Variants in RBFOX1 observed in about 807,000 individuals in gnomAD.
RBFOX1 encodes the protein RNA binding protein fox-1 homolog 1.
Under a neutral mutation model 57.7 loss-of-function variants are expected in RBFOX1, and 8 were observed. That is an observed-to-expected ratio of 0.14 (90% confidence interval 0.08 to 0.25). RBFOX1 has a LOEUF of 0.25. Among genes scored for constraint, RBFOX1 ranks in the 10% least tolerant of loss-of-function variants. The pLI is 1.00. For missense variants in RBFOX1, 611 were observed against 548.5 expected (o/e 1.11, Z -1.14); for synonymous variants, 326 against 222.4 (o/e 1.47, Z -4.15).
intron 1 of RBFOX1, among the ~76,000 whole-genome samples, chr16:6,226,203 CAAAAAAAA>C (rs543386716): frequency 1.0e-5 from 1 of 99,978 alleles, no homozygotes; most frequent in East Asian, 2.8e-4. Context: ...ACTAAAAATA[CAAAAAAAA>C]AAAAAAAAAA....
intron 4 of RBFOX1, among the ~76,000 whole-genome samples, chr16:7,394,217 C>A (rs569193623): frequency 9.5e-5 from 9 of 94,836 alleles, no homozygotes; most frequent in Non-Finnish European, 1.5e-4. Context: ...GCCTGGGCAA[C>A]AGAGCAAGAC....
At chr16:7,572,116 GA>G (rs2092841120) in intron 5 of RBFOX1, among the ~76,000 whole-genome samples, 1 of 152,178 alleles carries the variant, frequency 6.6e-6, no homozygotes, top group Non-Finnish European at 1.5e-5. Context: ...GACAGAGTGA[GA>G]CTCCATCTCA....
chr16:5,908,954 T>TCACCAAA (rs1022673073), intron 4 of RBFOX1, among the ~76,000 whole-genome samples: 2 of 152,052 alleles, frequency 1.3e-5, no homozygotes, highest in African/African-American at 4.8e-5. Context: ...AAGTGAGCCC[T>TCACCAAA]CACCAAACAC....
At chr16:6,913,775 C>G (rs1213600182) in intron 3 of RBFOX1, among the ~76,000 whole-genome samples, 1 of 152,158 alleles carries the variant, frequency 6.6e-6, no homozygotes, top group African/African-American at 2.4e-5. Flanking sequence ...CTGTGGGAAG[C>G]TATTGAGTCT....
At chr16:5,759,059 C>T (rs1279138103) in intron 3 of RBFOX1, among the ~76,000 whole-genome samples, 2 of 152,202 alleles carry the variant, frequency 1.3e-5, no homozygotes, top group African/African-American at 2.4e-5. Context: ...TCCATTTCTA[C>T]TTCCATAAAA....
At chr16:6,204,037 A>G (rs754805730) in intron 1 of RBFOX1, among the ~76,000 whole-genome samples, 2 of 150,930 alleles carry the variant, frequency 1.3e-5, no homozygotes, top group African/African-American at 4.9e-5. Flanking sequence ...GACATTCATA[A>G]AATTATTTCT....
chr16:6,701,476 A>T (rs554413870), intron 3 of RBFOX1, among the ~76,000 whole-genome samples: 13 of 152,102 alleles, frequency 8.5e-5, no homozygotes, highest in African/African-American at 2.7e-4. Flanking sequence ...GGTTTATTTG[A>T]CTCTTAGTTA....
intron 3 of RBFOX1, among the ~76,000 whole-genome samples, chr16:5,780,343 T>C (rs1054533454): frequency 7.2e-5 from 11 of 152,224 alleles, no homozygotes; most frequent in African/African-American, 2.7e-4. Context: ...TATAATCTTT[T>C]TATTTCTTCT....
intron 4 of RBFOX1, among the ~76,000 whole-genome samples, chr16:5,961,319 T>C (rs2059743382): frequency 6.6e-6 from 1 of 152,156 alleles, no homozygotes; most frequent in African/African-American, 2.4e-5. Context: ...CATTATTCCA[T>C]ATTTAACCGT....
At chr16:7,343,282 G>A (rs754639766) in intron 4 of RBFOX1, among the ~76,000 whole-genome samples, 2 of 152,128 alleles carry the variant, frequency 1.3e-5, no homozygotes, top group African/African-American at 2.4e-5. Flanking sequence ...GCTCTGAGTC[G>A]CTTCGAAGTC....
intron 2 of RBFOX1, among the ~76,000 whole-genome samples, chr16:5,486,438 C>T (rs2037337103): frequency 1.3e-5 from 2 of 152,210 alleles, no homozygotes; most frequent in Non-Finnish European, 2.9e-5. Context: ...TATTCAACTC[C>T]GTCATTGTAC....
In RBFOX1 at chr16:5,731,300, C is replaced by A. The variant is rs565237064; in HGVS notation, c.318+132339C>A. ...TCATTGTCATCACTATCACCACCAC[C>A]ACCATCATCATCACTATCAGTATCA... is the stretch of plus-strand genomic sequence containing the variant. On this transcript the variant is annotated intron_variant, in intron 3 of 19. Transcript: ENST00000641259. Among the ~76,000 whole-genome samples the A allele has an allele frequency of 1.2e-3, 185 of 152,222 alleles. 1 individual carries two copies. The highest frequency in any genetic ancestry group is 3.9e-3 in the African/African-American group (160 of 41,520).
At chr16:6,083,775 C>T (rs1222107059) in intron 1 of RBFOX1, among the ~76,000 whole-genome samples, 1 of 152,142 alleles carries the variant, frequency 6.6e-6, no homozygotes, top group African/African-American at 2.4e-5. Flanking sequence ...CCAGACCTGG[C>T]CCCCCTTCTT....
chr16:6,383,757 G>A (rs1208165744), intron 2 of RBFOX1, among the ~76,000 whole-genome samples: 2 of 151,276 alleles, frequency 1.3e-5, no homozygotes, highest in African/African-American at 2.4e-5. Context: ...GCGACAGTGC[G>A]AGAATTTATC....
intron 4 of RBFOX1, among the ~76,000 whole-genome samples, chr16:7,473,186 C>T (rs988355654): frequency 6.6e-6 from 1 of 151,970 alleles, no homozygotes; most frequent in African/African-American, 2.4e-5. Flanking sequence ...TGAGACCAGC[C>T]TGGGAGCATG....
At chr16:6,244,539 T>C (rs926088569) in intron 1 of RBFOX1, among the ~76,000 whole-genome samples, 10 of 152,228 alleles carry the variant, frequency 6.6e-5, no homozygotes, top group South Asian at 2.1e-4. Context: ...AGTCTCCCTC[T>C]GTAGCCCAGG....
intron 4 of RBFOX1, among the ~76,000 whole-genome samples, chr16:7,517,066 T>C (rs2076511113): frequency 6.6e-6 from 1 of 152,068 alleles, no homozygotes; most frequent in African/African-American, 2.4e-5. Flanking sequence ...CCTCGCTCTG[T>C]CTTTCTGACT....
chr16:5,329,362 G>T (rs750886746), intron 1 of RBFOX1, among the ~76,000 whole-genome samples: 1 of 152,164 alleles, frequency 6.6e-6, no homozygotes, highest in African/African-American at 2.4e-5. Context: ...CAGAGCAGGA[G>T]GAGAGGAGAA....
At chr16:7,225,919 T>TATATATATAA (rs1315130232) in intron 4 of RBFOX1, among the ~76,000 whole-genome samples, 17,837 of 141,982 alleles carry the variant, frequency 0.13, 1,626 homozygotes, top group African/African-American at 0.2. Context: ...TATATATATA[T>TATATATATAA]AAATGTGAAT....
Sources: allele counts gnomAD v4.1 joint callset (sites outside exome capture counted in the v4.1 genomes callset), GRCh38; gene constraint gnomAD v4.1.1; transcripts MANE v1.5; gene names NCBI Gene and HGNC (gene_info 2026-07-23, HGNC 2026-07-21).